The following GORASP2 variants were observed in gnomAD, a reference collection of about 807,000 sequenced individuals.
GORASP2 encodes golgi reassembly stacking protein 2.
GORASP2 carries 22 observed loss-of-function variants against 45.7 expected under a neutral mutation model. The observed-to-expected ratio is 0.48, with a 90% CI of 0.34 to 0.69. The LOEUF is 0.69. GORASP2 is among the 30% of genes least tolerant of loss of function. The pLI is 0.01. For missense variants in GORASP2, 491 were observed against 562.7 expected (o/e 0.87, Z 1.29); for synonymous variants, 221 against 215.6 (o/e 1.02, Z -0.22).
At chr2:170,943,939 G>C (rs1704130117) in intron 1 of GORASP2, among the ~76,000 whole-genome samples, 1 of 152,140 alleles carries the variant, frequency 6.6e-6, no homozygotes, top group African/African-American at 2.4e-5. Flanking sequence ...GCCTCCCAAA[G>C]TGCTGGGATA....
chr2:170,948,407 G>T lies in GORASP2; in HGVS notation c.121G>T (p.Val41Phe). 6.3e-7 allele frequency: 1 copy of T among 1,580,238 alleles called. No homozygotes were observed. Among genetic ancestry groups the T allele is most frequent in the Non-Finnish European group, 8.7e-7 (1 of 1,151,016 alleles). ...AGLEPFFDFIVSINGSRLNKD... is the reference protein window; with the variant it reads ...AGLEPFFDFIFSINGSRLNKD... ...TTTGGAGCCTTTCTTTGATTTTATT[G>T]TTTCTATTAATGGTTCAAGATTAGT... The change falls in exon 2 of 10, where the codon GTT (valine) becomes TTT (phenylalanine). Residue 41 changes from valine to phenylalanine, a missense_variant. Physicochemically the swap from Val to Phe is conservative, Grantham distance 50. This residue lies in a region of GORASP2 where 194 missense variants were observed against 270.4 expected (regional missense o/e 0.72). Transcript: ENST00000234160.
Position 170,949,632 on chromosome 2 carries a change from C to G in GORASP2, c.238C>G (p.Arg80Gly). Residue 80 changes from arginine (R) to glycine (G), a missense_variant, in exon 3 of 10, where the codon CGA becomes GGA. Arg to Gly is a moderately radical substitution (Grantham distance 125). Around this residue, in one of 2 missense-constraint regions of GORASP2, gnomAD observed 194 missense variants for 270.4 expected, o/e 0.72. Transcript: ENST00000234160. ...LIYSSKTLELRETSVTPSNLW... is the reference protein window; with the variant it reads ...LIYSSKTLELGETSVTPSNLW... ...CTATAGCAGCAAAACATTGGAACTG[C>G]GAGAGACCTCAGTCACACCAAGTAA... is the stretch of plus-strand genomic sequence containing the variant. 6.2e-7 allele frequency: 1 copy of G among 1,613,920 alleles called. No individual in the cohort carries two copies. The highest frequency in any genetic ancestry group is 8.5e-7 in the Non-Finnish European group (1 of 1,179,804).
rs1329180110 is a variant in GORASP2, at chr2:170,966,061, C to T, written c.1290C>T (p.Gly430=). The change falls in exon 10 of 10, where the codon GGC becomes GGT. Residue 430 remains glycine, a synonymous_variant. Coordinates refer to ENST00000234160, the MANE Select transcript of GORASP2 (RefSeq NM_015530.5). Reference sequence around the variant, plus strand: ...CCACCACCGTTGAGGACAGAGTCGGCGACTCCACCCCAGTCAGCGAGAAGC... The same window carrying T: ...CCACCACCGTTGAGGACAGAGTCGGTGACTCCACCCCAGTCAGCGAGAAGC... The part of the protein sequence containing the change: ...KAPTTVEDRV[G]DSTPVSEKPV... 6 of 1,613,838 alleles carry T rather than the reference C, an allele frequency of 3.7e-6. No homozygotes were observed. The highest frequency in any genetic ancestry group is 1.3e-5 in the African/African-American group (1 of 74,890).
chr2:170,940,898 C>A (rs1704061338), intron 1 of GORASP2, among the ~76,000 whole-genome samples: 1 of 152,130 alleles, frequency 6.6e-6, no homozygotes, highest in Non-Finnish European at 1.5e-5. Context: ...CTACTGAAAT[C>A]ATCCACTGTA....
intron 1 of GORASP2, among the ~76,000 whole-genome samples, chr2:170,932,240 G>A (rs1703841442): frequency 6.6e-6 from 1 of 152,046 alleles, no homozygotes; most frequent in Admixed American, 6.5e-5. Flanking sequence ...AAAAAAAAGA[G>A]TCTCTTCTTC....
chr2:170,942,131 C>T (rs1174142386), intron 1 of GORASP2, among the ~76,000 whole-genome samples: 1 of 152,150 alleles, frequency 6.6e-6, no homozygotes, highest in African/African-American at 2.4e-5. Flanking sequence ...TTATAGATCA[C>T]TTCAGTATCC....
chr2:170,932,862 G>T (rs1022509218), intron 1 of GORASP2, among the ~76,000 whole-genome samples: 3 of 152,156 alleles, frequency 2.0e-5, no homozygotes, highest in Non-Finnish European at 4.4e-5. Flanking sequence ...AACCAAAATA[G>T]CCAACAGCTG....
At chr2:170,955,664 C>A (rs1457289087) in intron 6 of GORASP2, among the ~76,000 whole-genome samples, 2 of 152,356 alleles carry the variant, frequency 1.3e-5, no homozygotes, top group East Asian at 3.9e-4. Context: ...TCACCTCCAA[C>A]ATTGGCTCAT....
intron 9 of GORASP2, 34 bp from the exon 10 acceptor site, chr2:170,965,756 G>C (rs780224052): frequency 7.1e-7 from 1 of 1,403,232 alleles, no homozygotes; most frequent in Non-Finnish European, 1.0e-6. Flanking sequence ...TTCAGTGCTG[G>C]GAGGATGTAT....
At chr2:170,945,674 A>T (rs937481800) in intron 1 of GORASP2, among the ~76,000 whole-genome samples, 4 of 152,202 alleles carry the variant, frequency 2.6e-5, no homozygotes, top group Non-Finnish European at 5.9e-5. Flanking sequence ...TAGGGCAACT[A>T]TTCTTTACTG....
Position 170,929,351 on chromosome 2 carries a change from C to G in GORASP2, c.11C>G (p.Ser4Trp). MGS[S>W]QSVEIPGGGT... is the part of the protein sequence containing the mutation. ...CGATCGCCCGCCGCCATGGGCTCCT[C>G]GCAAAGCGTCGAGATCCCGGGCGGG... Residue 4 changes from serine (S) to tryptophan (W), a missense_variant, in exon 1 of 10, where the codon TCG (serine) becomes TGG (tryptophan). Ser to Trp is a radical substitution (Grantham distance 177). Transcript: ENST00000234160. 1 of 1,390,906 alleles carries G rather than the reference C, an allele frequency of 7.2e-7. No individual in the cohort carries two copies. The highest frequency in any genetic ancestry group is 9.3e-7 in the Non-Finnish European group (1 of 1,072,000). The allele number at this position is 1,390,906 out of a possible 1,614,324, so 86.2% of individuals were successfully genotyped here.
chr2:170,934,519 G>A (rs1005464107), intron 1 of GORASP2, among the ~76,000 whole-genome samples: 1 of 151,818 alleles, frequency 6.6e-6, no homozygotes, highest in South Asian at 2.1e-4. Context: ...CTCCACCTCC[G>A]ACAAGTGCTG....
chr2:170,936,814 A>C, intron 1 of GORASP2: 1 of 389,640 alleles, frequency 2.6e-6, no homozygotes, highest in South Asian at 1.8e-5. Context: ...CACTTGACCA[A>C]GGACTTTGAG....
chr2:170,963,019 G>GT (rs1704601699), intron 9 of GORASP2, 73 bp downstream of exon 9: 2 of 935,026 alleles, frequency 2.1e-6, no homozygotes, highest in South Asian at 1.3e-5. Flanking sequence ...ATCCTCTTCA[G>GT]TTTTTTCTGG....
intron 5 of GORASP2, among the ~76,000 whole-genome samples, chr2:170,951,834 C>T (rs900889744): frequency 1.3e-5 from 2 of 152,192 alleles, no homozygotes; most frequent in Admixed American, 6.5e-5. Context: ...GAAAAGCTTC[C>T]GTTTGCTCAC....
intron 1 of GORASP2, among the ~76,000 whole-genome samples, chr2:170,932,734 G>C (rs759810012): frequency 6.6e-6 from 1 of 152,176 alleles, no homozygotes; most frequent in Non-Finnish European, 1.5e-5. Flanking sequence ...ATTTCTCTTA[G>C]TCTCCTTTTT....
intron 8 of GORASP2, among the ~76,000 whole-genome samples, chr2:170,962,259 C>A (rs1464666784): frequency 6.6e-6 from 1 of 152,202 alleles, no homozygotes; most frequent in Non-Finnish European, 1.5e-5. Context: ...AATATACTTT[C>A]ATTGTGAGGG....
chr2:170,929,034 A>G (rs1703745683), upstream of GORASP2: 3 of 319,254 alleles, frequency 9.4e-6, no homozygotes, highest in African/African-American at 2.1e-5. Flanking sequence ...AAGCTGGGGG[A>G]AGCGCATTTC....
chr2:170,929,373 C>CG lies in GORASP2; in HGVS notation c.38dup (p.Thr14HisfsTer25). ...CCTCGCAAAGCGTCGAGATCCCGGG[C>CG]GGGGGCACCGAGGGCTACCACGTTC... On this transcript the variant is annotated frameshift_variant, in exon 1 of 10. Transcript: ENST00000234160. LOFTEE classifies it high-confidence loss of function. The CG allele has an allele frequency of 7.1e-7, 1 of 1,413,476 alleles. No homozygotes were observed. Among genetic ancestry groups the CG allele is most frequent in the South Asian group, 1.6e-5 (1 of 63,272 alleles). The allele number at this position is 1,413,476 out of a possible 1,614,324, so 87.6% of individuals were successfully genotyped here.
Sources: allele counts gnomAD v4.1 joint callset (sites outside exome capture counted in the v4.1 genomes callset), GRCh38; gene constraint gnomAD v4.1.1; regional missense constraint gnomAD v4.1.1; transcripts MANE v1.5; gene names NCBI Gene and HGNC (gene_info 2026-07-23, HGNC 2026-07-21).